NUP107: variants seen among roughly 807,000 people sequenced by gnomAD.
NUP107 encodes nucleoporin 107.
A neutral mutation model predicts 141.0 loss-of-function variants in NUP107; 101 were observed. The ratio of observed to expected loss-of-function variants is 0.72; its 90% CI spans 0.61 to 0.84. The LOEUF is 0.84. Ranked by LOEUF, NUP107 falls within the 40% of genes least tolerant of loss-of-function variation. NUP107 has a pLI of 0.00. For missense variants in NUP107, 941 were observed against 1,102.7 expected, an observed-to-expected ratio of 0.85 and a Z score of 2.08; for synonymous variants, 319 against 363.9, an observed-to-expected ratio of 0.88 and a Z score of 1.41.
chr12:68,704,361 G>GA (rs1347712972), intron 8 of NUP107, among the ~76,000 whole-genome samples: 1 of 151,946 alleles, frequency 6.6e-6, no homozygotes, highest in Non-Finnish European at 1.5e-5. Context: ...TATCTGTTTT[G>GA]AAAAAATATG....
At chr12:68,713,207 CT>C (rs1320450961) in intron 10 of NUP107, among the ~76,000 whole-genome samples, 1 of 151,614 alleles carries the variant, frequency 6.6e-6, no homozygotes. Context: ...ACCCCCATCT[CT>C]ACAAAAATAT....
intron 11 of NUP107, chr12:68,714,184 A>C (rs962792782): frequency 1.8e-4 from 29 of 161,018 alleles, no homozygotes; most frequent in Non-Finnish European, 3.4e-4. Context: ...GTTATTTGAA[A>C]AGTGGATTTG....
At chr12:68,706,567 A>T (rs1876591143) in intron 8 of NUP107, 2 of 680,408 alleles carry the variant, frequency 2.9e-6, no homozygotes, top group Non-Finnish European at 5.4e-6. Flanking sequence ...ATGAACAGGA[A>T]CATCAGTCGG....
intron 8 of NUP107, among the ~76,000 whole-genome samples, chr12:68,704,118 A>G (rs113020914): frequency 3.9e-5 from 6 of 152,286 alleles, no homozygotes; most frequent in African/African-American, 1.2e-4. Flanking sequence ...CTTCATACAT[A>G]TATATGTGTG....
intron 23 of NUP107, 174 bp downstream of exon 23, chr12:68,732,913 C>G (rs1401468790): frequency 2.4e-6 from 1 of 413,802 alleles, no homozygotes; most frequent in Non-Finnish European, 4.3e-6. Flanking sequence ...GAACTCCTGG[C>G]CTGAAGCAAT....
chr12:68,739,608 T>A (rs1198681412), intron 26 of NUP107: 1 of 152,324 alleles, frequency 6.6e-6, no homozygotes, highest in South Asian at 2.1e-4. Context: ...GAGGCTGAGG[T>A]GGGCAGATCA....
chr12:68,732,760 G>T, intron 23 of NUP107, 21 bp downstream of exon 23: 2 of 1,461,088 alleles, frequency 1.4e-6, no homozygotes, highest in Non-Finnish European at 1.9e-6. Flanking sequence ...TTTTTATGCA[G>T]CTTCAAACTC....
intron 26 of NUP107, chr12:68,740,183 T>TC (rs1878266264): frequency 6.6e-6 from 1 of 151,816 alleles, no homozygotes; most frequent in African/African-American, 2.4e-5. Context: ...CAACAAGGAG[T>TC]CAGAAGCCAG....
At chr12:68,738,127 C>G (rs1429977156) in intron 26 of NUP107, among the ~76,000 whole-genome samples, 2 of 151,992 alleles carry the variant, frequency 1.3e-5, no homozygotes, top group Non-Finnish European at 2.9e-5. Context: ...ATACAGAAAA[C>G]TAGCCAGGCA....
chr12:68,733,724 T>A (rs550069213), intron 24 of NUP107, 112 bp downstream of exon 24: 1 of 1,055,374 alleles, frequency 9.5e-7, no homozygotes, highest in Non-Finnish European at 1.4e-6. Context: ...TTACCTCTCT[T>A]GTGACTATAG....
intron 6 of NUP107, among the ~76,000 whole-genome samples, chr12:68,699,180 G>A (rs1435940189): frequency 5.3e-5 from 8 of 152,098 alleles, no homozygotes; most frequent in African/African-American, 1.9e-4. Flanking sequence ...ACACCAGCCT[G>A]GCCAATATGG....
At position 68,729,694 on chromosome 12, in the gene NUP107, C is replaced by T. The variant is rs890927054; in HGVS notation, c.1735-1416C>T. On this transcript the variant is annotated intron_variant, in intron 20 of 27. Coordinates refer to ENST00000229179, the MANE Select transcript of NUP107 (RefSeq NM_020401.4). ...CTGACCTCAGGTGATCCAGCAGCCT[C>T]GGCCTTCCAAAGTGCTAGGATTACA... Among the ~76,000 whole-genome samples the T allele has an allele frequency of 9.2e-5, 14 of 151,962 alleles. 1 individual carries two copies. The highest frequency in any genetic ancestry group is 3.1e-4 in the African/African-American group (13 of 41,496).
chr12:68,695,273 A>G (rs1216249964), intron 5 of NUP107, among the ~76,000 whole-genome samples: 1 of 152,264 alleles, frequency 6.6e-6, no homozygotes, highest in Non-Finnish European at 1.5e-5. Flanking sequence ...CTCTGGGTAT[A>G]TATCCAAAAG....
intron 26 of NUP107, among the ~76,000 whole-genome samples, chr12:68,739,050 G>T (rs1385622386): frequency 6.6e-6 from 1 of 151,606 alleles, no homozygotes; most frequent in Admixed American, 6.6e-5. Context: ...CTCTTCATTG[G>T]TTCCCCTCTG....
chr12:68,689,245 TAA>T (rs1875657835), intron 2 of NUP107, among the ~76,000 whole-genome samples, 192 bp downstream of exon 2: 1 of 152,184 alleles, frequency 6.6e-6, no homozygotes, highest in African/African-American at 2.4e-5. Flanking sequence ...TCCCTAAAAA[TAA>T]AGATATTTCT....
In NUP107 at chr12:68,730,214, CTTTTTTT is replaced by C. The variant is rs756700880; in HGVS notation, c.1735-881_1735-875del. Among the ~76,000 whole-genome samples the C allele has an allele frequency of 1.3e-4, 11 of 85,374 alleles. 1 individual carries two copies. The highest frequency in any genetic ancestry group is 3.9e-4 in the South Asian group (1 of 2,590). The allele number at this position is 85,374 out of a possible 152,430, so 56.0% of individuals were successfully genotyped here. On this transcript the variant is annotated intron_variant, in intron 20 of 27. Coordinates refer to ENST00000229179, the MANE Select transcript of NUP107 (RefSeq NM_020401.4). ...CTCCTGCCCTCAGGGGTGATACTAC[CTTTTTTT>C]TTTTTTTTTTTTTTGAGAGAGTCTC...
At chr12:68,739,433 A>T (rs1185705666) in intron 26 of NUP107, among the ~76,000 whole-genome samples, 1 of 152,248 alleles carries the variant, frequency 6.6e-6, no homozygotes, top group Non-Finnish European at 1.5e-5. Flanking sequence ...AATGAATGAT[A>T]CTGCATTACT....
chr12:68,706,727 C>T (rs1876600224), intron 8 of NUP107: 4 of 755,038 alleles, frequency 5.3e-6, no homozygotes, highest in Middle Eastern at 3.2e-4. Context: ...GGACATGGCA[C>T]GGCAGCTGCG....
At chr12:68,687,197 C>T in intron 1 of NUP107, 124 bp downstream of exon 1, 6 of 1,350,432 alleles carry the variant, frequency 4.4e-6, no homozygotes, top group Non-Finnish European at 6.2e-6. Context: ...CCCTAAGGCT[C>T]CTTCCCCATG....
Sources: gnomAD v4.1 joint callset for allele counts (sites outside exome capture counted in the v4.1 genomes callset) on GRCh38, gnomAD v4.1.1 for gene constraint, MANE v1.5 for transcripts, NCBI Gene and HGNC (gene_info 2026-07-23, HGNC 2026-07-21) for gene names.